The following AP1AR variants were observed in gnomAD, a reference collection of about 807,000 sequenced individuals.
The protein encoded by AP1AR is adaptor related protein complex 1 associated regulatory protein, also known as AP-1 complex-associated regulatory protein.
AP1AR carries 29 observed loss-of-function variants against 46.3 expected under a neutral mutation model. That is an observed-to-expected ratio of 0.63 (90% CI 0.47 to 0.85). AP1AR has a LOEUF of 0.85. Among genes scored for constraint, AP1AR ranks in the 40% least tolerant of loss-of-function variants. The probability of loss-of-function intolerance (pLI) is 0.00; values close to 1 mark genes in which losing one functional copy is unlikely to be tolerated. For missense variants in AP1AR, 357 were observed against 356.3 expected, an observed-to-expected ratio of 1.00 and a Z score of -0.02; for synonymous variants, 122 against 122.9, an observed-to-expected ratio of 0.99 and a Z score of 0.05.
intron 1 of AP1AR, among the ~76,000 whole-genome samples, chr4:112,249,044 G>A (rs1376619016): frequency 6.6e-6 from 1 of 151,670 alleles, no homozygotes; most frequent in African/African-American, 2.4e-5. Context: ...TGTAATCCCA[G>A]CACTTTAGGA....
At chr4:112,242,252 A>G (rs962811892) in intron 1 of AP1AR, among the ~76,000 whole-genome samples, 1 of 152,170 alleles carries the variant, frequency 6.6e-6, no homozygotes, top group African/African-American at 2.4e-5. Flanking sequence ...GTGAATATGT[A>G]TGCAAGTATC....
At chr4:112,258,514 T>C (rs1454951365) in intron 4 of AP1AR, among the ~76,000 whole-genome samples, 1 of 152,132 alleles carries the variant, frequency 6.6e-6, no homozygotes, top group East Asian at 1.9e-4. Flanking sequence ...TTATAGAACA[T>C]TCTAGGGAAC....
intron 1 of AP1AR, among the ~76,000 whole-genome samples, chr4:112,247,126 G>A (rs1725757783): frequency 3.3e-5 from 5 of 151,974 alleles, no homozygotes; most frequent in Admixed American, 3.3e-4. Flanking sequence ...TCCATTTCTC[G>A]ATATTACTTA....
chr4:112,252,190 G>T (rs1352811686), intron 1 of AP1AR, among the ~76,000 whole-genome samples: 1 of 152,182 alleles, frequency 6.6e-6, no homozygotes, highest in Non-Finnish European at 1.5e-5. Flanking sequence ...AATGAGTCAG[G>T]ATTGCGCCAC....
At chr4:112,268,061 AACT>A in intron 9 of AP1AR, 80 bp from the exon 10 acceptor site, 1 of 1,368,684 alleles carries the variant, frequency 7.3e-7, no homozygotes, top group Non-Finnish European at 9.7e-7. Context: ...GTTAAATAAA[AACT>A]ACATTGCTAA....
rs762566527 is a variant in AP1AR at position 112,233,915 on chromosome 4, GGC to G, written c.83+1747_83+1748del. The stretch of plus-strand genomic sequence containing the variant: ...TCTGTCGCCCAGGCTGGAGTGCAGT[GGC>G]GCGCGATCTCGGCTCACTGCAACCT... On this transcript the variant is annotated intron_variant, in intron 1 of 9. Transcript: ENST00000274000. Among the ~76,000 whole-genome samples, 5 of 152,110 alleles carry G rather than the reference GGC, an allele frequency of 3.3e-5. No individual in the cohort carries two copies. In the East Asian group the frequency reaches 5.8e-4, roughly 18 times the overall value.
intron 9 of AP1AR, 139 bp downstream of exon 9, chr4:112,266,855 T>C (rs1443599597): frequency 6.8e-6 from 5 of 730,142 alleles, no homozygotes; most frequent in Non-Finnish European, 1.0e-5. Flanking sequence ...AGACCATTAT[T>C]GTATTGGTGA....
At chr4:112,266,483 GTAA>G (rs1726712504) in intron 8 of AP1AR, 102 bp from the exon 9 acceptor site, 60 of 1,088,486 alleles carry the variant, frequency 5.5e-5, no homozygotes, top group East Asian at 1.1e-4. Context: ...GAAGCTAAAA[GTAA>G]TAATAATAAT....
chr4:112,247,548 A>G (rs1266083350), intron 1 of AP1AR, among the ~76,000 whole-genome samples: 1 of 152,168 alleles, frequency 6.6e-6, no homozygotes, highest in East Asian at 1.9e-4. Flanking sequence ...TTCAGGCCTC[A>G]GAGTTAGGAG....
At chr4:112,234,271 G>C (rs1560599253) in intron 1 of AP1AR, among the ~76,000 whole-genome samples, 1 of 152,214 alleles carries the variant, frequency 6.6e-6, no homozygotes, top group Non-Finnish European at 1.5e-5. Context: ...CTGAAATCCA[G>C]AATTCTCCAA....
rs1726842870 is a variant in AP1AR, at chr4:112,269,143, T to C, written c.*734T>C. The C allele has an allele frequency of 1.3e-5, 2 of 151,466 alleles. No individual in the cohort carries two copies. 9.4% of individuals were successfully genotyped at this position (151,466 alleles called of 1,614,324 possible). ...TTTTCCACTTCATTTTACATGCCAC[T>C]ATATTGACTTTAATTGATATACAGT... is the stretch of plus-strand genomic sequence containing the variant. On this transcript the variant is annotated 3_prime_UTR_variant, in exon 10 of 10. Transcript: ENST00000274000.
intron 1 of AP1AR, among the ~76,000 whole-genome samples, chr4:112,232,385 G>T (rs1343123731): frequency 6.6e-6 from 1 of 152,238 alleles, no homozygotes; most frequent in Non-Finnish European, 1.5e-5. Flanking sequence ...AGAAGAGGGG[G>T]CGGGGTGTCC....
intron 1 of AP1AR, among the ~76,000 whole-genome samples, chr4:112,244,512 G>A (rs947598328): frequency 6.6e-6 from 1 of 152,158 alleles, no homozygotes; most frequent in Non-Finnish European, 1.5e-5. Flanking sequence ...TCATGCCACA[G>A]GATGAGAATA....
At chr4:112,237,611 C>G (rs1319576529) in intron 1 of AP1AR, among the ~76,000 whole-genome samples, 2 of 151,946 alleles carry the variant, frequency 1.3e-5, no homozygotes, top group Admixed American at 6.6e-5. Flanking sequence ...CAGGCCACCA[C>G]GCTTGGCTAA....
intron 1 of AP1AR, among the ~76,000 whole-genome samples, chr4:112,247,251 T>G (rs2110474624): frequency 6.6e-6 from 1 of 152,262 alleles, no homozygotes; most frequent in Non-Finnish European, 1.5e-5. Flanking sequence ...ACAACCTTAT[T>G]GGGATAGCAA....
At chr4:112,238,948 G>A (rs1467298733) in intron 1 of AP1AR, among the ~76,000 whole-genome samples, 1 of 152,028 alleles carries the variant, frequency 6.6e-6, no homozygotes, top group Non-Finnish European at 1.5e-5. Flanking sequence ...CCTTGTGAGT[G>A]GTATCTGTAG....
chr4:112,253,005 T>G (rs536334204), intron 1 of AP1AR, among the ~76,000 whole-genome samples: 14 of 152,186 alleles, frequency 9.2e-5, no homozygotes, highest in Non-Finnish European at 1.6e-4. Flanking sequence ...GAAATATTGA[T>G]TGACTAAACA....
Position 112,270,005 on chromosome 4 carries a change from T to C in AP1AR, c.*1596T>C, listed in dbSNP as rs1327597424. On this transcript the variant is annotated 3_prime_UTR_variant, in exon 10 of 10. Coordinates refer to ENST00000274000, the MANE Select transcript of AP1AR (RefSeq NM_018569.6). ...AATTTTTTGAAGGAATGGTAACAAA[T>C]GGTAATTTACAAATGGTTGTGAATA... is the stretch of plus-strand genomic sequence containing the variant. 2.0e-5 allele frequency: 3 copies of C among 152,598 alleles called. No individual in the cohort carries two copies. Among genetic ancestry groups the C allele is most frequent in the Non-Finnish European group, 4.4e-5 (3 of 67,992 alleles). The allele number at this position is 152,598 out of a possible 1,614,324, so 9.5% of individuals were successfully genotyped here.
At chr4:112,233,940 C>G (rs1037806764) in intron 1 of AP1AR, among the ~76,000 whole-genome samples, 1 of 152,166 alleles carries the variant, frequency 6.6e-6, no homozygotes, top group Admixed American at 6.5e-5. Flanking sequence ...CTCACTGCAA[C>G]CTTCGCCTCC....
Sources: allele counts gnomAD v4.1 joint callset (sites outside exome capture counted in the v4.1 genomes callset), GRCh38; gene constraint gnomAD v4.1.1; transcripts MANE v1.5; gene names NCBI Gene and HGNC (gene_info 2026-07-23, HGNC 2026-07-21).